PLXNA4: variants seen among roughly 807,000 people sequenced by gnomAD.
The protein encoded by PLXNA4 is plexin-A4.
A neutral mutation model predicts 191.8 loss-of-function variants in PLXNA4; 44 were observed. That is an observed-to-expected ratio of 0.23 (90% CI 0.18 to 0.29). PLXNA4 has a LOEUF of 0.29. Ranked by LOEUF, PLXNA4 falls within the 10% of genes least tolerant of loss-of-function variation. The probability of loss-of-function intolerance (pLI) is 1.00; values close to 1 mark genes in which losing one functional copy is unlikely to be tolerated. For missense variants in PLXNA4, 1,800 were observed against 2,488.8 expected (o/e 0.72, Z 5.89); for synonymous variants, 1,082 against 1,009.5 (o/e 1.07, Z -1.36).
At chr7:132,520,415 G>T (rs1201523201) in intron 1 of PLXNA4, among the ~76,000 whole-genome samples, 1 of 152,152 alleles carries the variant, frequency 6.6e-6, no homozygotes, top group Non-Finnish European at 1.5e-5. Context: ...GGCCTCTGAG[G>T]ACCTGGGTCC....
intron 3 of PLXNA4, among the ~76,000 whole-genome samples, chr7:132,383,205 G>A (rs1453572571): frequency 6.6e-6 from 1 of 152,032 alleles, no homozygotes; most frequent in Non-Finnish European, 1.5e-5. Flanking sequence ...AAACCATACA[G>A]CCCACTTGAA....
chr7:132,642,586 G>T (rs1054565234), intron 2 of PLXNA4, among the ~76,000 whole-genome samples: 1 of 152,066 alleles, frequency 6.6e-6, no homozygotes, highest in Non-Finnish European at 1.5e-5. Flanking sequence ...GGGCGAGGGA[G>T]GGGGGAACGA....
chr7:132,587,055 C>T (rs1370597757), intron 2 of PLXNA4, among the ~76,000 whole-genome samples: 2 of 152,322 alleles, frequency 1.3e-5, no homozygotes, highest in African/African-American at 4.8e-5. Context: ...AGGAAGCAGT[C>T]CCGCTCAACT....
At position 132,619,842 on chromosome 7, in the gene PLXNA4, C is replaced by T. The variant is rs535004465; in HGVS notation, c.-87+26086G>A. On this transcript the variant is annotated intron_variant, in intron 2 of 4. Transcript: ENST00000378539. ...TTGAGACGGAGTCTCGCTCTATTGC[C>T]CAGGCTGGAGTGCAGTGGTGCGATC... Among the ~76,000 whole-genome samples, 13 of 152,318 alleles carry T rather than the reference C, an allele frequency of 8.5e-5. No homozygotes were observed. The South Asian group carries it at 2.3e-3, about 27-fold the overall frequency.
chr7:132,498,051 C>A (rs2117588694), intron 2 of PLXNA4, among the ~76,000 whole-genome samples: 1 of 152,266 alleles, frequency 6.6e-6, no homozygotes, highest in Non-Finnish European at 1.5e-5. Context: ...TGATCCTTGG[C>A]TTCACTTTCC....
At chr7:132,195,336 G>A (rs2116828575) in intron 13 of PLXNA4, among the ~76,000 whole-genome samples, 1 of 152,120 alleles carries the variant, frequency 6.6e-6, no homozygotes, top group South Asian at 2.1e-4. Flanking sequence ...TCTGATGATT[G>A]CACTATCATT....
At chr7:132,165,229 G>C in intron 22 of PLXNA4, 29 bp from the exon 23 acceptor site, 1 of 1,604,990 alleles carries the variant, frequency 6.2e-7, no homozygotes, top group Non-Finnish European at 8.5e-7. Context: ...GGAACCAACG[G>C]AACAAGACAA....
intron 2 of PLXNA4, among the ~76,000 whole-genome samples, chr7:132,633,386 G>A (rs892410870): frequency 4.0e-5 from 6 of 151,462 alleles, no homozygotes; most frequent in Admixed American, 1.3e-4. Context: ...AAGTTCAAGC[G>A]ATTCCCCTGC....
intron 3 of PLXNA4, among the ~76,000 whole-genome samples, chr7:132,466,470 G>A (rs1796706699): frequency 1.3e-5 from 2 of 152,260 alleles, no homozygotes; most frequent in South Asian, 4.1e-4. Flanking sequence ...TTGTAGGGCT[G>A]TTCTGAGGGT....
chr7:132,492,841 T>G (rs1169196183), intron 2 of PLXNA4, among the ~76,000 whole-genome samples: 2 of 152,176 alleles, frequency 1.3e-5, no homozygotes, highest in Non-Finnish European at 2.9e-5. Context: ...AGCACTTCAA[T>G]GTAAGATATT....
chr7:132,427,210 C>T (rs1795078731), intron 3 of PLXNA4, among the ~76,000 whole-genome samples: 1 of 152,204 alleles, frequency 6.6e-6, no homozygotes, highest in Non-Finnish European at 1.5e-5. Flanking sequence ...TCTTCCTGCT[C>T]CTCACCCCAG....
At chr7:132,512,554 G>T (rs1798763351) in intron 1 of PLXNA4, among the ~76,000 whole-genome samples, 1 of 152,116 alleles carries the variant, frequency 6.6e-6, no homozygotes, top group Non-Finnish European at 1.5e-5. Context: ...CACTAAGAAA[G>T]GGACTGATTA....
At chr7:132,391,765 G>T (rs944782953) in intron 3 of PLXNA4, among the ~76,000 whole-genome samples, 1 of 152,134 alleles carries the variant, frequency 6.6e-6, no homozygotes, top group Admixed American at 6.5e-5. Flanking sequence ...GTAGTCAGAG[G>T]CCAGGGAGGC....
At chr7:132,487,606 A>G (rs1034526372) in intron 3 of PLXNA4, among the ~76,000 whole-genome samples, 3 of 152,194 alleles carry the variant, frequency 2.0e-5, no homozygotes, top group Non-Finnish European at 4.4e-5. Context: ...GAGTTTGGCT[A>G]TCTGGTTTCC....
chr7:132,614,360 G>A (rs183755394), intron 2 of PLXNA4, among the ~76,000 whole-genome samples: 2 of 152,186 alleles, frequency 1.3e-5, no homozygotes, highest in African/African-American at 4.8e-5. Flanking sequence ...AGCCACATGC[G>A]GCCAGAGGCC....
chr7:132,224,724 CGCAAGAG>C (rs1163597008), intron 8 of PLXNA4, among the ~76,000 whole-genome samples: 1 of 152,108 alleles, frequency 6.6e-6, no homozygotes, highest in Non-Finnish European at 1.5e-5. Context: ...ACAGCTTTGC[CGCAAGAG>C]GCAAGAGGAG....
chr7:132,439,696 C>G (rs535422184), intron 3 of PLXNA4, among the ~76,000 whole-genome samples: 1 of 152,144 alleles, frequency 6.6e-6, no homozygotes, highest in Non-Finnish European at 1.5e-5. Context: ...GGAGCAAGAC[C>G]TGAACTCAGA....
intron 3 of PLXNA4, among the ~76,000 whole-genome samples, chr7:132,335,260 G>T (rs10272296): frequency 0.11 from 17,290 of 152,212 alleles, 1,228 homozygotes; most frequent in Admixed American, 0.22. Flanking sequence ...ATTCTAGGGA[G>T]GATGAACAAT....
At chr7:132,294,510 C>T (rs145279043) in intron 4 of PLXNA4, among the ~76,000 whole-genome samples, 29 of 152,258 alleles carry the variant, frequency 1.9e-4, no homozygotes, top group Admixed American at 6.5e-4. Flanking sequence ...TGAAGATTAA[C>T]TGCTGCATGG....
Sources: gnomAD v4.1 joint callset for allele counts (sites outside exome capture counted in the v4.1 genomes callset) on GRCh38, gnomAD v4.1.1 for gene constraint, MANE v1.5 for transcripts, NCBI Gene and HGNC (gene_info 2026-07-23, HGNC 2026-07-21) for gene names.